BRWD1: variants seen among roughly 807,000 people sequenced by gnomAD.
BRWD1 encodes bromodomain and WD repeat-containing protein 1.
BRWD1 carries 82 observed loss-of-function variants against 251.2 expected under a neutral mutation model. The observed-to-expected ratio is 0.33, with a 90% confidence interval of 0.27 to 0.39. The LOEUF (loss-of-function observed/expected upper bound fraction) is 0.39, where lower values mean the gene tolerates loss of function less well. Ranked by LOEUF, BRWD1 falls within the 10% of genes least tolerant of loss-of-function variation. The pLI is 1.00. For synonymous variants in BRWD1, 918 were observed against 902.8 expected (o/e 1.02, Z -0.30); for missense variants, 2,233 against 2,711.6 (o/e 0.82, Z 3.92).
chr21:39,225,247 A>G (rs1426840846), intron 27 of BRWD1, 50 bp from the exon 28 acceptor site: 1 of 1,328,422 alleles, frequency 7.5e-7, no homozygotes, highest in Admixed American at 1.7e-5. Context: ...AACATTCATT[A>G]ACATTTTTTT....
At chr21:39,262,994 C>T (rs2034804462) in intron 17 of BRWD1, among the ~76,000 whole-genome samples, 1 of 151,202 alleles carries the variant, frequency 6.6e-6, no homozygotes, top group East Asian at 2.0e-4. Context: ...CACACGCCTA[C>T]AGTCCCAGCT....
intron 27 of BRWD1, among the ~76,000 whole-genome samples, chr21:39,225,815 T>C (rs1315518880): frequency 1.3e-5 from 2 of 152,198 alleles, no homozygotes; most frequent in African/African-American, 2.4e-5. Flanking sequence ...GTTTTACATA[T>C]ATTTTACTTC....
At chr21:39,209,514 G>T (rs995367353) in intron 36 of BRWD1, among the ~76,000 whole-genome samples, 1 of 151,830 alleles carries the variant, frequency 6.6e-6, no homozygotes, top group Non-Finnish European at 1.5e-5. Flanking sequence ...GCCTCCACTG[G>T]CTCTGTAACA....
At chr21:39,202,682 ACTATT>A in intron 37 of BRWD1, 137 bp from the exon 38 acceptor site, 1 of 620,378 alleles carries the variant, frequency 1.6e-6, no homozygotes, top group South Asian at 2.3e-5. Flanking sequence ...TAAAATATTC[ACTATT>A]AACATTTTAT....
At chr21:39,199,838 C>T (rs1043818051) in intron 39 of BRWD1, among the ~76,000 whole-genome samples, 176 bp from the exon 40 acceptor site, 1 of 152,194 alleles carries the variant, frequency 6.6e-6, no homozygotes, top group African/African-American at 2.4e-5. Context: ...GCAACCTCTG[C>T]CTCCTGGGTG....
At chr21:39,306,561 T>C (rs919870852) in intron 4 of BRWD1, among the ~76,000 whole-genome samples, 1 of 152,182 alleles carries the variant, frequency 6.6e-6, no homozygotes, top group Non-Finnish European at 1.5e-5. Flanking sequence ...GACTTAATAA[T>C]TGAATAATGT....
At chr21:39,212,592 A>G in intron 34 of BRWD1, 74 bp downstream of exon 34, 1 of 1,264,476 alleles carries the variant, frequency 7.9e-7, no homozygotes, top group Non-Finnish European at 1.1e-6. Flanking sequence ...TTCAAAGACA[A>G]AAACTAAAAT....
chr21:39,294,759 T>A (rs1056211244), intron 7 of BRWD1, among the ~76,000 whole-genome samples: 1 of 152,056 alleles, frequency 6.6e-6, no homozygotes, highest in Non-Finnish European at 1.5e-5. Flanking sequence ...CAGGACTAAG[T>A]GGCAATCCCA....
Position 39,185,636 on chromosome 21 carries a change from A to T in BRWD1, c.*10623T>A, listed in dbSNP as rs918719390. On this transcript the variant is annotated 3_prime_UTR_variant, in exon 41 of 41. Transcript: ENST00000342449. ...TTCTGGCTTATGCTAAAAAACAAAA[A>T]GCCTTTTTTTTAAAACAGACATGCA... The T allele has an allele frequency of 6.6e-6, 1 of 152,098 alleles. No individual in the cohort carries two copies. The highest frequency in any genetic ancestry group is 2.4e-5 in the African/African-American group (1 of 41,440). The allele number at this position is 152,098 out of a possible 1,614,324, so 9.4% of individuals were successfully genotyped here.
chr21:39,239,617 ATTC>A (rs2033923229), intron 21 of BRWD1, among the ~76,000 whole-genome samples: 1 of 152,124 alleles, frequency 6.6e-6, no homozygotes, highest in African/African-American at 2.4e-5. Context: ...TTTCAGTTTT[ATTC>A]TTCTTCAGTG....
intron 21 of BRWD1, among the ~76,000 whole-genome samples, chr21:39,244,036 G>A (rs777364234): frequency 4.0e-5 from 6 of 151,882 alleles, no homozygotes; most frequent in South Asian, 2.1e-4. Flanking sequence ...CTGATGCTTC[G>A]GTAAGGCAGG....
intron 17 of BRWD1, 149 bp downstream of exon 17, chr21:39,264,311 T>TTC (rs1223814707): frequency 3.7e-6 from 2 of 539,742 alleles, no homozygotes; most frequent in African/African-American, 4.0e-5. Context: ...AGTTAAATGG[T>TTC]TCAAAACAAT....
intron 19 of BRWD1, among the ~76,000 whole-genome samples, chr21:39,252,752 A>C (rs141225236): frequency 6.6e-6 from 1 of 152,338 alleles, no homozygotes; most frequent in Non-Finnish European, 1.5e-5. Flanking sequence ...TGCTGCTCTA[A>C]ATAGATACTG....
At chr21:39,290,486 G>A (rs1471714356) in intron 8 of BRWD1, among the ~76,000 whole-genome samples, 24 of 137,166 alleles carry the variant, frequency 1.7e-4, no homozygotes, top group African/African-American at 5.1e-4. Flanking sequence ...GCAAGACTCC[G>A]TCTCAAAAAA....
chr21:39,248,482 C>T (rs1368380817), intron 20 of BRWD1, among the ~76,000 whole-genome samples: 1 of 151,060 alleles, frequency 6.6e-6, no homozygotes, highest in Non-Finnish European at 1.5e-5. Flanking sequence ...AAACAAAAAA[C>T]GAAAAATTAG....
chr21:39,295,678 G>C, intron 7 of BRWD1, 65 bp downstream of exon 7: 1 of 1,253,622 alleles, frequency 8.0e-7, no homozygotes, highest in Non-Finnish European at 1.1e-6. Context: ...AGATTTCCTA[G>C]ATGATTCTGA....
At chr21:39,252,061 GT>G (rs1187610271) in intron 19 of BRWD1, among the ~76,000 whole-genome samples, 5 of 151,928 alleles carry the variant, frequency 3.3e-5, no homozygotes, top group Admixed American at 3.3e-4. Flanking sequence ...GAGGTCAGGA[GT>G]TCACGACCAG....
At chr21:39,304,247 TGAGA>T (rs201971066) in intron 4 of BRWD1, among the ~76,000 whole-genome samples, 2,824 of 142,860 alleles carry the variant, frequency 0.02, 83 homozygotes, top group African/African-American at 0.069. Context: ...AAAAAAAAAG[TGAGA>T]GAAAGAATAA....
intron 9 of BRWD1, 59 bp from the exon 10 acceptor site, chr21:39,278,872 A>G (rs2035361784): frequency 1.6e-6 from 2 of 1,280,090 alleles, no homozygotes; most frequent in African/African-American, 1.5e-5. Flanking sequence ...AACACAGCTT[A>G]AAATATTAGT....
Sources: gnomAD v4.1 joint callset for allele counts (sites outside exome capture counted in the v4.1 genomes callset) on GRCh38, gnomAD v4.1.1 for gene constraint, MANE v1.5 for transcripts, NCBI Gene and HGNC (gene_info 2026-07-23, HGNC 2026-07-21) for gene names.